The following PHYHD1 variants were observed in gnomAD, a reference collection of about 807,000 sequenced individuals.
The protein encoded by PHYHD1 is phytanoyl-CoA dioxygenase domain-containing protein 1.
In PHYHD1, 42 loss-of-function variants were observed where a neutral mutation model predicts 43.6. That is an observed-to-expected ratio of 0.96 (90% CI 0.75 to 1.25). The LOEUF (loss-of-function observed/expected upper bound fraction) is 1.25, where lower values mean the gene tolerates loss of function less well. Ranked by LOEUF, PHYHD1 falls within the 50% of genes most tolerant of loss-of-function variation. The probability of loss-of-function intolerance (pLI) is 0.00; values close to 1 mark genes in which losing one functional copy is unlikely to be tolerated. For missense variants in PHYHD1, 342 were observed against 370.8 expected, an observed-to-expected ratio of 0.92 and a Z score of 0.64; for synonymous variants, 139 against 143.6, an observed-to-expected ratio of 0.97 and a Z score of 0.23.
intron 4 of PHYHD1, among the ~76,000 whole-genome samples, chr9:128,930,211 T>C (rs979792367): frequency 1.3e-5 from 2 of 148,592 alleles, no homozygotes; most frequent in Non-Finnish European, 3.0e-5. Context: ...ACCCAGGAGA[T>C]GGAGGTTGCA....
At position 128,922,271 on chromosome 9, in the gene PHYHD1, C is replaced by T. The variant is rs1035442776; in HGVS notation, c.-41-12C>T. ...GTCCTCCCAGGCTCCTAAACTTTCT[C>T]CTCCCCACCAGGAGGCCGCGCTTAG... On this transcript the variant is annotated splice_polypyrimidine_tract_variant and intron_variant, in intron 2 of 12. Transcript: ENST00000372592. The T allele has an allele frequency of 3.2e-6, 5 of 1,548,446 alleles. No homozygotes were observed. In the East Asian group the frequency reaches 9.8e-5, roughly 30 times the overall value.
Position 128,926,886 on chromosome 9 carries a change from C to G in PHYHD1, c.34-152C>G, listed in dbSNP as rs746650081. ...ATTCAAGCAGCCAATATTGATTGCT[C>G]TTTGCTGGGTGCCAGACTCCATGCC... On this transcript the variant is annotated intron_variant, in intron 3 of 12. Transcript: ENST00000372592. 1.7e-5 allele frequency: 18 copies of G among 1,032,324 alleles called. No homozygotes were observed. The Admixed American group carries it at 3.1e-4, about 18-fold the overall frequency. The allele number at this position is 1,032,324 out of a possible 1,614,324, so 63.9% of individuals were successfully genotyped here.
At position 128,940,700 on chromosome 9, in the gene PHYHD1, A is replaced by C. The variant is rs561221283; in HGVS notation, c.688A>C (p.Thr230Pro). 6.2e-7 allele frequency: 1 copy of C among 1,613,352 alleles called. No individual in the cohort carries two copies. The highest frequency in any genetic ancestry group is 1.3e-5 in the African/African-American group (1 of 74,988). The change falls in exon 11 of 13, where the codon ACC (threonine) becomes CCC (proline). Residue 230 changes from threonine (T) to proline (P), a missense_variant. Thr to Pro is a conservative substitution (Grantham distance 38). Transcript: ENST00000372592. ...CCGGGATAACAGCCTCTTTGTGCCCACCCCAGTGCAGAGAGGTAGGCAGAT... is the reference window on the plus strand; with the variant it reads ...CCGGGATAACAGCCTCTTTGTGCCCCCCCCAGTGCAGAGAGGTAGGCAGAT... Reference protein sequence around the residue: ...PARDNSLFVPTPVQRGALVLI... With the variant: ...PARDNSLFVPPPVQRGALVLI...
Position 128,939,234 on chromosome 9 carries a change from G to A in PHYHD1, c.458-1135G>A, listed in dbSNP as rs933029007. Among the ~76,000 whole-genome samples the A allele has an allele frequency of 2.3e-5, 3 of 130,488 alleles. 1 individual carries two copies. The highest frequency in any genetic ancestry group is 7.6e-5 in the African/African-American group (3 of 39,506). 85.6% of individuals were successfully genotyped at this position (130,488 alleles called of 152,430 possible). ...TGCTGAGGACCATGTTCCTTTGTTCGGTGGTTCCGCATCCTAACTGTGCCC... is the reference window on the plus strand; with the variant it reads ...TGCTGAGGACCATGTTCCTTTGTTCAGTGGTTCCGCATCCTAACTGTGCCC... On this transcript the variant is annotated intron_variant, in intron 9 of 12. Transcript: ENST00000372592.
chr9:128,921,258 C>A lies in PHYHD1; in HGVS notation c.-570C>A, dbSNP rs141792917. On this transcript the variant is annotated 5_prime_UTR_variant, in exon 1 of 13. Coordinates refer to ENST00000372592, the MANE Select transcript of PHYHD1 (RefSeq NM_001100876.2). ...TCCCGAGTAACTGGGACTACAGGCA[C>A]CTGCCACCATGCTCGGCTAGTTTTT... is the stretch of plus-strand genomic sequence containing the variant. 15 of 152,196 alleles carry A rather than the reference C, an allele frequency of 9.9e-5. No individual in the cohort carries two copies. Among genetic ancestry groups the A allele is most frequent in the Admixed American group, 8.5e-4 (13 of 15,256 alleles). 9.4% of individuals were successfully genotyped at this position (152,196 alleles called of 1,614,324 possible). A position where few individuals can be genotyped will look rare whatever the true frequency, so the allele number is the denominator to read the frequency against.
intron 4 of PHYHD1, among the ~76,000 whole-genome samples, chr9:128,933,150 C>CTTT (rs751550740): frequency 6.8e-4 from 71 of 104,220 alleles, no homozygotes; most frequent in Non-Finnish European, 1.2e-3. Context: ...TGCACCCAGA[C>CTTT]TTTTTTTTTT....
In PHYHD1 at chr9:128,926,791, G is replaced by A. The variant is rs569975321; in HGVS notation, c.34-247G>A. On this transcript the variant is annotated intron_variant, in intron 3 of 12. Coordinates refer to ENST00000372592, the MANE Select transcript of PHYHD1 (RefSeq NM_001100876.2). ...AACTCATGACCTCAAGTTATTGCCC[G>A]CCTCAGCCTCTCAAAGTGCTGGGAT... The A allele has an allele frequency of 3.0e-5, 17 of 565,100 alleles. No homozygotes were observed. The East Asian group carries it at 3.7e-4, about 12-fold the overall frequency. 35.0% of individuals were successfully genotyped at this position (565,100 alleles called of 1,614,324 possible).
chr9:128,924,631 A>G (rs953271916), intron 3 of PHYHD1, among the ~76,000 whole-genome samples: 1 of 150,624 alleles, frequency 6.6e-6, no homozygotes, highest in African/African-American at 2.4e-5. Context: ...AAAAAAAAGA[A>G]GAAGGAAAGA....
intron 9 of PHYHD1, among the ~76,000 whole-genome samples, chr9:128,938,829 A>G (rs1245462404): frequency 1.5e-5 from 2 of 131,440 alleles, no homozygotes; most frequent in African/African-American, 5.0e-5. Context: ...CAGCCTCCCT[A>G]GTAGGTGATT....
rs768485090 is a variant in PHYHD1, at chr9:128,927,081, C to T, written c.77C>T (p.Ala26Val). Residue 26 changes from alanine (A) to valine (V), a missense_variant, in exon 4 of 13, where the codon GCG (alanine) becomes GTG (valine). Ala to Val is a moderately conservative substitution (Grantham distance 64). Coordinates refer to ENST00000372592, the MANE Select transcript of PHYHD1 (RefSeq NM_001100876.2). ...GFLVLEGFLS[A>V]EECVAMQQRI... ...CTGGTGCTGGAAGGATTCTTGTCTG[C>T]GGAAGAGTGTGTGGCCATGCAACAA... The T allele has an allele frequency of 2.2e-5, 36 of 1,614,032 alleles. No individual in the cohort carries two copies. The highest frequency in any genetic ancestry group is 2.7e-5 in the African/African-American group (2 of 74,928).
intron 6 of PHYHD1, among the ~76,000 whole-genome samples, chr9:128,935,002 C>T (rs904251258): frequency 1.1e-4 from 16 of 152,104 alleles, no homozygotes; most frequent in African/African-American, 3.9e-4. Context: ...CCTAGAGCCA[C>T]CCTAAGGGGC....
intron 6 of PHYHD1, among the ~76,000 whole-genome samples, chr9:128,935,686 G>A (rs1841407925): frequency 6.6e-6 from 1 of 152,056 alleles, no homozygotes; most frequent in South Asian, 2.1e-4. Context: ...GGTGGATCAC[G>A]AGGTCAGGAG....
chr9:128,927,727 G>A (rs539293917), intron 4 of PHYHD1, among the ~76,000 whole-genome samples: 1 of 152,334 alleles, frequency 6.6e-6, no homozygotes, highest in East Asian at 1.9e-4. Context: ...CACACAGTTA[G>A]TAGTGGACAG....
At chr9:128,940,551 G>A in intron 10 of PHYHD1, 48 bp from the exon 11 acceptor site, 1 of 1,613,894 alleles carries the variant, frequency 6.2e-7, no homozygotes, top group Non-Finnish European at 8.5e-7. Flanking sequence ...CCTAGGGAGA[G>A]GGACCTTGAG....
intron 4 of PHYHD1, 75 bp from the exon 5 acceptor site, chr9:128,933,707 T>C (rs771990077): frequency 6.8e-7 from 1 of 1,479,160 alleles, no homozygotes; most frequent in Non-Finnish European, 9.5e-7. Flanking sequence ...AGCTTCTGAA[T>C]CCGCCTCCCT....
rs534512083 is a variant in PHYHD1, at chr9:128,927,525, G to A, written c.192+329G>A. On this transcript the variant is annotated intron_variant, in intron 4 of 12. Coordinates refer to ENST00000372592, the MANE Select transcript of PHYHD1 (RefSeq NM_001100876.2). ...TGAGTAGCTGCACTTACAGGCATGC[G>A]CCACCAGGCCCGGCTAATTTTTGTA... Among the ~76,000 whole-genome samples the A allele has an allele frequency of 7.9e-5, 12 of 152,222 alleles. No homozygotes were observed. The South Asian group carries it at 2.1e-3, about 26-fold the overall frequency.
At position 128,922,059 on chromosome 9, in the gene PHYHD1, TG is replaced by T. The variant is rs1564537083; in HGVS notation, c.-42+18del. 3.4e-5 allele frequency: 17 copies of T among 500,336 alleles called. No individual in the cohort carries two copies. The highest frequency in any genetic ancestry group is 1.4e-4 in the South Asian group (5 of 36,970). The allele number at this position is 500,336 out of a possible 1,614,324, so 31.0% of individuals were successfully genotyped here. ...TTTCCCGGCACCTGGTAAGCAGTGG[TG>T]GGGGGTGGTTTCCAGAAGAAACACA... On this transcript the variant is annotated intron_variant, in intron 2 of 12. Transcript: ENST00000372592.
intron 3 of PHYHD1, 43 bp downstream of exon 3, chr9:128,922,399 G>GT (rs757063136): frequency 6.5e-7 from 1 of 1,542,526 alleles, no homozygotes; most frequent in Non-Finnish European, 8.7e-7. Context: ...ATGGCGGGGG[G>GT]GTCCCTGCCG....
At chr9:128,926,825 T>C (rs1251961328) in intron 3 of PHYHD1, 4 of 673,282 alleles carry the variant, frequency 5.9e-6, no homozygotes, top group Non-Finnish European at 1.1e-5. Context: ...ATTAGAGGCA[T>C]GAGCCACTGC....
Sources: allele counts gnomAD v4.1 joint callset (sites outside exome capture counted in the v4.1 genomes callset), GRCh38; gene constraint gnomAD v4.1.1; transcripts MANE v1.5; gene names NCBI Gene and HGNC (gene_info 2026-07-23, HGNC 2026-07-21).